The following UNKL variants were observed in gnomAD, a reference collection of about 807,000 sequenced individuals.
UNKL encodes putative E3 ubiquitin-protein ligase UNKL.
Under a neutral mutation model 78.0 loss-of-function variants are expected in UNKL, and 60 were observed. The ratio of observed to expected loss-of-function variants is 0.77; its 90% CI spans 0.63 to 0.95. The LOEUF (loss-of-function observed/expected upper bound fraction) is 0.95, where lower values mean the gene tolerates loss of function less well. UNKL is among the 40% of genes least tolerant of loss of function. UNKL has a pLI of 0.00. For synonymous variants in UNKL, 608 were observed against 474.8 expected, an observed-to-expected ratio of 1.28 and a Z score of -3.65; for missense variants, 1,159 against 1,045.7, an observed-to-expected ratio of 1.11 and a Z score of -1.49.
rs549701567 is a variant in UNKL, at chr16:1,369,847, C to A, written c.1585+283G>T. On this transcript the variant is annotated intron_variant, in intron 12 of 14. Transcript: ENST00000389221. The stretch of plus-strand genomic sequence containing the variant: ...AAAACTAGCTGGGCGTGGTGGCGCC[C>A]GCCTGTAGTCCCAGCTACTTGGGTG... The A allele has an allele frequency of 7.7e-5, 91 of 1,175,034 alleles. No homozygotes were observed. In the South Asian group the frequency reaches 8.6e-4, roughly 11 times the overall value. The allele number at this position is 1,175,034 out of a possible 1,614,324, so 72.8% of individuals were successfully genotyped here.
At chr16:1,369,870 G>A in intron 12 of UNKL, 1 of 1,403,234 alleles carries the variant, frequency 7.1e-7, no homozygotes, top group Non-Finnish European at 9.7e-7. Flanking sequence ...AGCTACTTGG[G>A]TGGCTGAGGC....
At position 1,367,140 on chromosome 16, in the gene UNKL, C is replaced by T; in HGVS notation, c.1998G>A (p.Leu666=). 6.3e-7 allele frequency: 1 copy of T among 1,598,150 alleles called. No individual in the cohort carries two copies. The highest frequency in any genetic ancestry group is 8.5e-7 in the Non-Finnish European group (1 of 1,175,000). ...GGCGCAGCTGACTCTGCAGCGAGTG[C>T]AGCTTCGGCAGGGGAATGGTGCCGA... The part of the protein sequence containing the change: ...GDIGTIPLPK[L]HSLQSQLRLD... Residue 666 remains leucine (L), a synonymous_variant, in exon 14 of 15, where the codon CTG becomes CTA. Coordinates refer to ENST00000389221, the MANE Select transcript of UNKL (RefSeq NM_001372107.1).
At position 1,394,051 on chromosome 16, in the gene UNKL, G is replaced by A. The variant is rs1596729748; in HGVS notation, c.937+80C>T. The stretch of plus-strand genomic sequence containing the variant: ...CTTCCAGGTCCTCGTGGGCAGCTCC[G>A]GGTCATCGGTAACTCCAGTGAGGGC... On this transcript the variant is annotated intron_variant, in intron 7 of 14. Transcript: ENST00000389221. 28 of 1,437,646 alleles carry A rather than the reference G, an allele frequency of 1.9e-5. 1 individual carries two copies. In the South Asian group the frequency reaches 2.5e-4, roughly 13 times the overall value. 89.1% of individuals were successfully genotyped at this position (1,437,646 alleles called of 1,614,324 possible).
In UNKL at chr16:1,366,339, A is replaced by T. The variant is rs1329829940; in HGVS notation, c.2103T>A (p.Gly701=). The change falls in exon 15 of 15, where the codon GGT becomes GGA. Residue 701 remains glycine (G), a synonymous_variant. Coordinates refer to ENST00000389221, the MANE Select transcript of UNKL (RefSeq NM_001372107.1). ...GGTGCTGACAGGGCCGCAGGACAGCACCGTGGGCCCGCTCCCGGCAGGCCA... is the reference window on the plus strand; with the variant it reads ...GGTGCTGACAGGGCCGCAGGACAGCTCCGTGGGCCCGCTCCCGGCAGGCCA... ...QCVACRERAH[G]AVLRPCQHHI... is the part of the protein sequence containing the mutation. 1 of 1,604,416 alleles carries T rather than the reference A, an allele frequency of 6.2e-7. No homozygotes were observed. Among genetic ancestry groups the T allele is most frequent in the Non-Finnish European group, 8.5e-7 (1 of 1,176,416 alleles).
At position 1,401,696 on chromosome 16, in the gene UNKL, A is replaced by G; in HGVS notation, c.470T>C (p.Leu157Pro). The G allele has an allele frequency of 6.2e-7, 1 of 1,609,116 alleles. No homozygotes were observed. The highest frequency in any genetic ancestry group is 1.3e-5 in the African/African-American group (1 of 74,948). Residue 157 changes from leucine to proline, a missense_variant, in exon 4 of 15, where the codon CTG (leucine) becomes CCG (proline). Leu to Pro is a moderately conservative substitution (Grantham distance 98). Transcript: ENST00000389221. ...GTTCTGCAAGGCTTCCTGGGCCTGCAGCTCCCTGCAAGCCGAGGACACAGT... is the reference window on the plus strand; with the variant it reads ...GTTCTGCAAGGCTTCCTGGGCCTGCGGCTCCCTGCAAGCCGAGGACACAGT... ...LRPPVCDVRELQAQEALQNGQ... is the reference protein window; with the variant it reads ...LRPPVCDVREPQAQEALQNGQ...
Position 1,367,110 on chromosome 16 carries a change from G to T in UNKL, c.2028C>A (p.Asp676Glu). The T allele has an allele frequency of 6.3e-7, 1 of 1,579,934 alleles. No homozygotes were observed. ...LHSLQSQLRL[D>E]LEAVDGVIFQ... ...GACTCACGCCGTCCACCGCCTCCAG[G>T]TCCAGGCGCAGCTGACTCTGCAGCG... Residue 676 changes from aspartate (D) to glutamate (E), a missense_variant, in exon 14 of 15, where the codon GAC becomes GAA. Coordinates refer to ENST00000389221, the MANE Select transcript of UNKL (RefSeq NM_001372107.1).
intron 9 of UNKL, 62 bp from the exon 10 acceptor site, chr16:1,385,447 C>A: frequency 7.8e-7 from 1 of 1,274,654 alleles, no homozygotes; most frequent in Non-Finnish European, 9.9e-7. Context: ...AGCGCCACGT[C>A]GGCACCCTGC....
intron 10 of UNKL, chr16:1,379,601 G>A: frequency 1.0e-6 from 1 of 985,206 alleles, no homozygotes; most frequent in Non-Finnish European, 1.2e-6. Context: ...CACCTTGGCG[G>A]CGCACGGCTG....
At position 1,387,645 on chromosome 16, in the gene UNKL, C is replaced by T. The variant is rs1013175847; in HGVS notation, c.1087-2260G>A. Among the ~76,000 whole-genome samples, 3 of 152,152 alleles carry T rather than the reference C, an allele frequency of 2.0e-5. No homozygotes were observed. Among genetic ancestry groups the T allele is most frequent in the African/African-American group, 7.2e-5 (3 of 41,420 alleles). On this transcript the variant is annotated intron_variant, in intron 9 of 14. Transcript: ENST00000389221. The surrounding 1 kb of genome is among the most constrained non-coding windows in gnomAD (Gnocchi z 4.1). ...ACGTGGGGCGGTCTGCTGAGCTCAC[C>T]GCATCCAGCAGCTATCACTCAGAAC...
chr16:1,380,612 C>G (rs1489113464), intron 10 of UNKL, among the ~76,000 whole-genome samples: 1 of 117,428 alleles, frequency 8.5e-6, no homozygotes, highest in East Asian at 2.6e-4. Context: ...CTAACTAAGG[C>G]AGTGTCGATC....
At chr16:1,367,382 C>G (rs1374070809) in intron 13 of UNKL, 33 bp from the exon 14 acceptor site, 1 of 1,516,492 alleles carries the variant, frequency 6.6e-7, no homozygotes, top group Non-Finnish European at 8.8e-7. Context: ...GCACCCCCCA[C>G]CTCACCTGTG....
At chr16:1,372,189 C>CG (rs2035909459) in intron 10 of UNKL, among the ~76,000 whole-genome samples, 2 of 152,026 alleles carry the variant, frequency 1.3e-5, no homozygotes, top group South Asian at 2.1e-4. Context: ...GTGTGAACCC[C>CG]AGAGGCGGAG....
At position 1,394,125 on chromosome 16, in the gene UNKL, A is replaced by G. The variant is rs1448559620; in HGVS notation, c.937+6T>C. On this transcript the variant is annotated splice_donor_region_variant and intron_variant, in intron 7 of 14. Coordinates refer to ENST00000389221, the MANE Select transcript of UNKL (RefSeq NM_001372107.1). Reference sequence around the variant, plus strand: ...AGGTGAACCTGCCACAGGGACGGTTACTCACTCTCAACGTGTGCAAAGGCA... The same window carrying G: ...AGGTGAACCTGCCACAGGGACGGTTGCTCACTCTCAACGTGTGCAAAGGCA... 4.5e-6 allele frequency: 7 copies of G among 1,549,468 alleles called. No individual in the cohort carries two copies. In the East Asian group the frequency reaches 1.7e-4, roughly 38 times the overall value.
rs2035583587 is a variant in UNKL at position 1,369,297 on chromosome 16, T to C, written c.1585+833A>G. Among the ~76,000 whole-genome samples, 3 of 150,814 alleles carry C rather than the reference T, an allele frequency of 2.0e-5. No homozygotes were observed. In the South Asian group the frequency reaches 6.3e-4, roughly 32 times the overall value. On this transcript the variant is annotated intron_variant, in intron 12 of 14. Coordinates refer to ENST00000389221, the MANE Select transcript of UNKL (RefSeq NM_001372107.1). Reference sequence around the variant, plus strand: ...GTTGGCCAGGATGGTCTCGATATCCTGACGTCGTGATCCGCCCACCTCGGC... The same window carrying C: ...GTTGGCCAGGATGGTCTCGATATCCCGACGTCGTGATCCGCCCACCTCGGC...
intron 8 of UNKL, among the ~76,000 whole-genome samples, chr16:1,391,239 TACACACACACAC>T (rs142620901): frequency 1.4e-3 from 14 of 10,356 alleles, no homozygotes; most frequent in African/African-American, 5.0e-3. Flanking sequence ...CCCTTAAAGA[TACACACACACAC>T]ACACACACAC....
rs968096070 is a variant in UNKL at position 1,367,235 on chromosome 16, G to A, written c.1903C>T (p.Gln635Ter). Residue 635 changes from glutamine to a stop codon, truncating the protein, a stop_gained, in exon 14 of 15, where the codon CAG (glutamine) becomes TAG (stop). Transcript: ENST00000389221. LOFTEE classifies it high-confidence loss of function. ...KKEEVEAQVK[Q>*]LQEELEGLGV... Reference sequence around the variant, plus strand: ...AGGCCCTCCAGCTCCTCCTGCAGCTGCTTCACCTGTGCCTCCACCTCCTCC... The same window carrying A: ...AGGCCCTCCAGCTCCTCCTGCAGCTACTTCACCTGTGCCTCCACCTCCTCC... 1.3e-6 allele frequency: 2 copies of A among 1,597,104 alleles called. No homozygotes were observed. The highest frequency in any genetic ancestry group is 1.7e-6 in the Non-Finnish European group (2 of 1,175,048).
At chr16:1,369,320 G>A (rs55637159) in intron 12 of UNKL, among the ~76,000 whole-genome samples, 126,993 of 151,094 alleles carry the variant, frequency 0.84, 53,777 homozygotes, top group East Asian at 0.99. Context: ...CGCCCACCTC[G>A]GCGCCCCAAG....
chr16:1,375,603 G>A (rs367750234), intron 10 of UNKL, among the ~76,000 whole-genome samples: 121 of 152,296 alleles, frequency 7.9e-4, no homozygotes, highest in African/African-American at 2.4e-3. Flanking sequence ...CGGAGACACC[G>A]TTCCAATGAA....
chr16:1,378,786 G>A (rs375511770), intron 10 of UNKL: 1 of 152,096 alleles, frequency 6.6e-6, no homozygotes. Flanking sequence ...GAGAGCACCG[G>A]AGAGGGTCCT....
Sources: gnomAD v4.1 joint callset for allele counts (sites outside exome capture counted in the v4.1 genomes callset) on GRCh38, gnomAD v4.1.1 for gene constraint, Gnocchi (gnomAD v3.1) non-coding constraint, MANE v1.5 for transcripts, NCBI Gene and HGNC (gene_info 2026-07-23, HGNC 2026-07-21) for gene names.